CADPS: variants seen among roughly 807,000 people sequenced by gnomAD.
CADPS encodes the protein calcium-dependent secretion activator 1.
Under a neutral mutation model 167.3 loss-of-function variants are expected in CADPS, and 57 were observed. That is an observed-to-expected ratio of 0.34 (90% CI 0.28 to 0.42). The LOEUF is 0.42. Among genes scored for constraint, CADPS ranks in the 20% least tolerant of loss-of-function variants. The probability of loss-of-function intolerance (pLI) is 1.00; values close to 1 mark genes in which losing one functional copy is unlikely to be tolerated. For synonymous variants in CADPS, 676 were observed against 635.3 expected (o/e 1.06, Z -0.96); for missense variants, 1,414 against 1,738.1 (o/e 0.81, Z 3.32).
chr3:62,806,481 G>A (rs187361306), intron 1 of CADPS, among the ~76,000 whole-genome samples: 97 of 152,128 alleles, frequency 6.4e-4, no homozygotes, highest in Non-Finnish European at 1.3e-4. Flanking sequence ...GCAGAGAGCT[G>A]TGATCTCCAC....
chr3:62,527,826 T>C (rs2072679060), intron 13 of CADPS, among the ~76,000 whole-genome samples: 3 of 152,056 alleles, frequency 2.0e-5, no homozygotes, highest in Admixed American at 2.0e-4. Context: ...CTCTATTCAG[T>C]TAAAGGCAGT....
intron 9 of CADPS, among the ~76,000 whole-genome samples, chr3:62,566,454 T>C (rs2080221829): frequency 6.6e-6 from 1 of 152,182 alleles, no homozygotes; most frequent in Non-Finnish European, 1.5e-5. Flanking sequence ...TAGCTTCCTC[T>C]GAATTGGACC....
intron 6 of CADPS, among the ~76,000 whole-genome samples, chr3:62,641,183 G>A (rs543425853): frequency 2.6e-5 from 4 of 152,246 alleles, no homozygotes; most frequent in South Asian, 4.1e-4. Flanking sequence ...GAAGGTAAGC[G>A]TAATGGGATC....
intron 3 of CADPS, among the ~76,000 whole-genome samples, chr3:62,736,375 A>G (rs2078998880): frequency 6.6e-6 from 1 of 152,238 alleles, no homozygotes; most frequent in African/African-American, 2.4e-5. Context: ...TTCATAAAGA[A>G]TTAACCACAT....
intron 9 of CADPS, among the ~76,000 whole-genome samples, chr3:62,565,052 C>A (rs868521983): frequency 2.0e-5 from 3 of 152,172 alleles, no homozygotes; most frequent in Non-Finnish European, 4.4e-5. Context: ...TTCTGGCTAT[C>A]CAGCAGTGCT....
At chr3:62,648,748 T>G (rs146640059) in intron 5 of CADPS, among the ~76,000 whole-genome samples, 39 of 117,136 alleles carry the variant, frequency 3.3e-4, no homozygotes, top group African/African-American at 9.4e-4. Flanking sequence ...TGAAAATCAA[T>G]AAACCACTTT....
At chr3:62,427,181 C>T (rs2052923892) in intron 28 of CADPS, among the ~76,000 whole-genome samples, 1 of 151,892 alleles carries the variant, frequency 6.6e-6, no homozygotes, top group South Asian at 2.1e-4. Context: ...CATTAATGCT[C>T]CATGGGAACT....
At chr3:62,733,054 C>G (rs2078237072) in intron 3 of CADPS, among the ~76,000 whole-genome samples, 1 of 152,284 alleles carries the variant, frequency 6.6e-6, no homozygotes, top group East Asian at 1.9e-4. Context: ...TTATTTCTTG[C>G]AAATGTAAAC....
chr3:62,493,808 GCCTGTCAGC>G, intron 18 of CADPS, 143 bp from the exon 19 acceptor site: 1 of 661,672 alleles, frequency 1.5e-6, no homozygotes, highest in African/African-American at 1.9e-5. Flanking sequence ...GGAGATGCTG[GCCTGTCAGC>G]AAAAAAAAGC....
chr3:62,781,737 A>G (rs545203175), intron 1 of CADPS, among the ~76,000 whole-genome samples: 16 of 152,264 alleles, frequency 1.1e-4, no homozygotes, highest in African/African-American at 3.9e-4. Context: ...CCAGTACTCA[A>G]AGCCAAGCAG....
At chr3:62,858,087 T>A (rs910529322) in intron 1 of CADPS, among the ~76,000 whole-genome samples, 10 of 152,270 alleles carry the variant, frequency 6.6e-5, no homozygotes, top group East Asian at 5.8e-4. Context: ...GGTCAACAAA[T>A]TTTTACTGTA....
chr3:62,662,614 G>A (rs757779441), intron 3 of CADPS, among the ~76,000 whole-genome samples: 12 of 152,282 alleles, frequency 7.9e-5, no homozygotes, highest in South Asian at 4.1e-4. Context: ...GCATTTGAAC[G>A]ACCTTGCAAA....
chr3:62,784,665 A>G (rs1272805059), intron 1 of CADPS, among the ~76,000 whole-genome samples: 1 of 152,124 alleles, frequency 6.6e-6, no homozygotes, highest in Non-Finnish European at 1.5e-5. Flanking sequence ...AACTATGTTA[A>G]ATAATACCAA....
chr3:62,776,441 T>C (rs1053235418), intron 1 of CADPS, among the ~76,000 whole-genome samples: 1 of 152,098 alleles, frequency 6.6e-6, no homozygotes, highest in African/African-American at 2.4e-5. Flanking sequence ...GATCACGAGG[T>C]CAGGAGATCA....
At chr3:62,587,668 G>A (rs190800332) in intron 7 of CADPS, among the ~76,000 whole-genome samples, 189 of 152,312 alleles carry the variant, frequency 1.2e-3, no homozygotes, top group Middle Eastern at 0.01. Context: ...CAGGCCTTTC[G>A]CCATATGGAT....
chr3:62,697,274 TCC>T (rs869280112), intron 3 of CADPS, among the ~76,000 whole-genome samples: 1 of 113,596 alleles, frequency 8.8e-6, no homozygotes, highest in Non-Finnish European at 1.9e-5. Flanking sequence ...CCCCATCCTT[TCC>T]CCTGAGTCCC....
intron 3 of CADPS, among the ~76,000 whole-genome samples, chr3:62,697,075 A>T (rs2080441361): frequency 6.6e-6 from 1 of 151,924 alleles, no homozygotes; most frequent in Non-Finnish European, 1.5e-5. Context: ...CAATCAACCC[A>T]CTCATGGGAT....
At chr3:62,538,360 T>C (rs2075115364) in intron 11 of CADPS, among the ~76,000 whole-genome samples, 1 of 152,064 alleles carries the variant, frequency 6.6e-6, no homozygotes, top group South Asian at 2.1e-4. Context: ...AACTGTAGTC[T>C]CCCCTGGCAT....
At chr3:62,858,094 T>A (rs964740500) in intron 1 of CADPS, among the ~76,000 whole-genome samples, 1 of 152,188 alleles carries the variant, frequency 6.6e-6, no homozygotes, top group Non-Finnish European at 1.5e-5. Context: ...AAATTTTTAC[T>A]GTAAATAAGA....
Sources: gnomAD v4.1 joint callset for allele counts (sites outside exome capture counted in the v4.1 genomes callset) on GRCh38, gnomAD v4.1.1 for gene constraint, MANE v1.5 for transcripts, NCBI Gene and HGNC (gene_info 2026-07-23, HGNC 2026-07-21) for gene names.